The following ZNF415 variants were observed in gnomAD, a reference collection of about 807,000 sequenced individuals.
ZNF415 encodes the protein zinc finger protein 415.
ZNF415 carries 5 observed loss-of-function variants against 7.3 expected under a neutral mutation model. The ratio of observed to expected loss-of-function variants is 0.69; its 90% CI spans 0.36 to 1.44. The LOEUF is 1.44. ZNF415 is among the 40% of genes most tolerant of loss of function. The pLI, the probability that ZNF415 is intolerant of heterozygous loss-of-function variation, is 0.04. For missense variants in ZNF415, 628 were observed against 664.8 expected (o/e 0.94, Z 0.61); for synonymous variants, 207 against 226.3 (o/e 0.91, Z 0.77).
rs1200382501 is a variant in ZNF415 at position 53,108,886 on chromosome 19, T to A, written c.1159A>T (p.Asn387Tyr). Residue 387 changes from asparagine (N) to tyrosine (Y), a missense_variant, in exon 4 of 4, where the codon AAT becomes TAT. Physicochemically the swap from Asn to Tyr is moderately radical, Grantham distance 143 (BLOSUM62 -2). Transcript: ENST00000243643. ...IHTGEKPYKC[N>Y]ECGKVFSQTS... ...TGACTGAAGACTTTACCACATTCAT[T>A]ACACTTGTATGGTTTCTCCCCAGTG... 6.2e-7 allele frequency: 1 copy of A among 1,614,128 alleles called. No individual in the cohort carries two copies. Among genetic ancestry groups the A allele is most frequent in the Admixed American group, 1.7e-5 (1 of 60,028 alleles).
chr19:53,109,620 C>T lies in ZNF415; in HGVS notation c.425G>A (p.Ser142Asn), dbSNP rs2085931718. The T allele has an allele frequency of 6.2e-7, 1 of 1,614,124 alleles. No individual in the cohort carries two copies. Among genetic ancestry groups the T allele is most frequent in the Non-Finnish European group, 8.5e-7 (1 of 1,180,012 alleles). ...CAGTTCATGGGGATGTGGTAGAAAG[C>T]TTAATCCAAGCTGATGTTTAATAGA... Reference protein sequence around the residue: ...NKSIKHQLGLSFLPHPHELQQ... With the variant: ...NKSIKHQLGLNFLPHPHELQQ... The change falls in exon 4 of 4, where the codon AGC (serine) becomes AAC (asparagine). Residue 142 changes from serine (S) to asparagine (N), a missense_variant. Physicochemically the swap from Ser to Asn is conservative, Grantham distance 46. Transcript: ENST00000243643.
rs79837403 is a variant in ZNF415 at position 53,108,466 on chromosome 19, T to C, written c.1579A>G (p.Ser527Gly). The C allele has an allele frequency of 5.6e-4, 904 of 1,614,210 alleles. 4 individuals are homozygous for C. The African/African-American group carries it at 0.01, about 18-fold the overall frequency. ...ACACTAAAGGACTTCCCACAATCAC[T>C]ACATTTGTAAGGTTTCTTTCCAGTA... ...IHTGKKPYKC[S>G]DCGKSFSVRP... The change falls in exon 4 of 4, where the codon AGT becomes GGT. Residue 527 changes from serine (S) to glycine (G), a missense_variant. Transcript: ENST00000243643.
Position 53,116,396 on chromosome 19 carries a change from T to C in ZNF415, c.53A>G (p.Asp18Gly). The C allele has an allele frequency of 1.2e-6, 2 of 1,614,046 alleles. No homozygotes were observed. Among genetic ancestry groups the C allele is most frequent in the Non-Finnish European group, 8.5e-7 (1 of 1,179,994 alleles). The change falls in exon 3 of 4, where the codon GAT becomes GGT. Residue 18 changes from aspartate (D) to glycine (G), a missense_variant. Asp to Gly is a moderately conservative substitution (Grantham distance 94). Transcript: ENST00000243643. ...TGTAGAGTTCAGGCATTTCCACTCA[T>C]CTTGAGAGAATTCGATGGCCACGTC... is the stretch of plus-strand genomic sequence containing the variant. ...FRDVAIEFSQDEWKCLNSTQR... is the reference protein window; with the variant it reads ...FRDVAIEFSQGEWKCLNSTQR...
In ZNF415 at chr19:53,108,395, T is replaced by C. The variant is rs1326813724; in HGVS notation, c.1650A>G (p.Lys550=). Residue 550 remains lysine (K), a synonymous_variant, in exon 4 of 4, where the codon AAA becomes AAG. Coordinates refer to ENST00000243643, the MANE Select transcript of ZNF415 (RefSeq NM_018355.4). ...FRHQIIHTKE[K]PYKRN is the part of the protein sequence containing the mutation. ...TGCCATATTAATTTCTTTTATAAGGTTTCTCCTTAGTATGGATAATTTGAT... is the reference window on the plus strand; with the variant it reads ...TGCCATATTAATTTCTTTTATAAGGCTTCTCCTTAGTATGGATAATTTGAT... 2 of 1,607,678 alleles carry C rather than the reference T, an allele frequency of 1.2e-6. No individual in the cohort carries two copies. The highest frequency in any genetic ancestry group is 1.7e-6 in the Non-Finnish European group (2 of 1,177,264).
intron 1 of ZNF415, among the ~76,000 whole-genome samples, chr19:53,124,588 T>A (rs1279511350): frequency 1.3e-5 from 2 of 152,060 alleles, no homozygotes; most frequent in Non-Finnish European, 2.9e-5. Flanking sequence ...ACAAATCATA[T>A]CCTAACAATT....
chr19:53,112,402 T>C (rs2086368840), intron 3 of ZNF415, among the ~76,000 whole-genome samples: 1 of 152,132 alleles, frequency 6.6e-6, no homozygotes, highest in Non-Finnish European at 1.5e-5. Flanking sequence ...TTGATAATAG[T>C]GTTATTCAGT....
At chr19:53,111,445 C>T (rs112135635) in intron 3 of ZNF415, among the ~76,000 whole-genome samples, 3,432 of 147,098 alleles carry the variant, frequency 0.023, 38 homozygotes, top group Middle Eastern at 0.055. Flanking sequence ...TGGGTTCAAG[C>T]GATTCTCCTG....
At chr19:53,130,062 C>T (rs1281375306) in intron 1 of ZNF415, among the ~76,000 whole-genome samples, 1 of 89,288 alleles carries the variant, frequency 1.1e-5, no homozygotes, top group Non-Finnish European at 2.2e-5. Flanking sequence ...AAGACTCCAG[C>T]TCACAAAAAA....
rs766686810 is a variant in ZNF415 at position 53,109,762 on chromosome 19, C to T, written c.283G>A (p.Asp95Asn). 18 of 1,613,800 alleles carry T rather than the reference C, an allele frequency of 1.1e-5. No individual in the cohort carries two copies. The highest frequency in any genetic ancestry group is 5.3e-5 in the African/African-American group (4 of 74,868). The change falls in exon 4 of 4, where the codon GAC (aspartate) becomes AAC (asparagine). Residue 95 changes from aspartate to asparagine, a missense_variant. Coordinates refer to ENST00000243643, the MANE Select transcript of ZNF415 (RefSeq NM_018355.4). The stretch of plus-strand genomic sequence containing the variant: ...TCATCTCTCCACTGACAGTCAAAGT[C>T]GTGTATTTTTTTCTTGATTTCCCTG... ...CFREIKKKIH[D>N]FDCQWRDDER...
chr19:53,123,073 A>C (rs894805794), intron 1 of ZNF415, among the ~76,000 whole-genome samples: 8 of 152,064 alleles, frequency 5.3e-5, no homozygotes, highest in African/African-American at 1.9e-4. Context: ...AGCCCTCAGA[A>C]ATAGAGGACA....
intron 3 of ZNF415, 151 bp from the exon 4 acceptor site, chr19:53,110,059 A>G: frequency 1.7e-6 from 1 of 597,466 alleles, no homozygotes; most frequent in South Asian, 2.9e-5. Flanking sequence ...TACGAACACA[A>G]AGGAATCACA....
intron 3 of ZNF415, among the ~76,000 whole-genome samples, chr19:53,110,790 T>C (rs1392565999): frequency 6.6e-6 from 1 of 152,184 alleles, no homozygotes; most frequent in East Asian, 1.9e-4. Context: ...GGTAAACACA[T>C]AGCATTATAA....
At position 53,123,337 on chromosome 19, in the gene ZNF415, C is replaced by G. The variant is rs552415446; in HGVS notation, c.-67-594G>C. 6.5e-4 allele frequency among the ~76,000 whole-genome samples: 99 copies of G among 152,190 alleles called. 1 individual carries two copies. Among genetic ancestry groups the G allele is most frequent in the African/African-American group, 2.3e-3 (95 of 41,518 alleles). On this transcript the variant is annotated intron_variant, in intron 1 of 3. Transcript: ENST00000243643. ...GACCTTGGTGTCATCAGGATCCAGA[C>G]AGTGGAAGCAGAAAGAATCAAGAGA...
chr19:53,125,246 G>C (rs1206933967), intron 1 of ZNF415, among the ~76,000 whole-genome samples: 1 of 151,930 alleles, frequency 6.6e-6, no homozygotes, highest in Non-Finnish European at 1.5e-5. Context: ...GTTTCACCAT[G>C]TTGGCCAGGA....
chr19:53,129,212 G>C (rs917644098), intron 1 of ZNF415, among the ~76,000 whole-genome samples: 3 of 152,156 alleles, frequency 2.0e-5, no homozygotes, highest in Non-Finnish European at 2.9e-5. Context: ...GGTGCAGAGG[G>C]AGTCATGAGA....
At chr19:53,117,879 GA>G (rs2087315366) in intron 2 of ZNF415, among the ~76,000 whole-genome samples, 1 of 152,054 alleles carries the variant, frequency 6.6e-6, no homozygotes, top group Non-Finnish European at 1.5e-5. Context: ...AAACCACAAT[GA>G]AAAACAATTA....
At position 53,109,528 on chromosome 19, in the gene ZNF415, A is replaced by T. The variant is rs764394197; in HGVS notation, c.517T>A (p.Ser173Thr). 6.2e-7 allele frequency: 1 copy of T among 1,614,000 alleles called. No individual in the cohort carries two copies. Among genetic ancestry groups the T allele is most frequent in the South Asian group, 1.1e-5 (1 of 91,044 alleles). ...NHVEKSVNHG[S>T]SVSPPQIISS... ...ATTATTTGGGGTGGTGAAACTGAGG[A>T]ACCATGGTTGACAGACTTCTCAACA... Residue 173 changes from serine to threonine, a missense_variant, in exon 4 of 4, where the codon TCC becomes ACC. Transcript: ENST00000243643.
chr19:53,130,127 G>A (rs993278683), intron 1 of ZNF415, among the ~76,000 whole-genome samples: 1 of 150,910 alleles, frequency 6.6e-6, no homozygotes, highest in Non-Finnish European at 1.5e-5. Flanking sequence ...ACATATCTGA[G>A]CAAAAGAAAC....
chr19:53,109,774 T>C lies in ZNF415; in HGVS notation c.271A>G (p.Lys91Glu). 1 of 1,614,146 alleles carries C rather than the reference T, an allele frequency of 6.2e-7. No individual in the cohort carries two copies. Among genetic ancestry groups the C allele is most frequent in the Non-Finnish European group, 8.5e-7 (1 of 1,180,020 alleles). ...IEEFCFREIK[K>E]KIHDFDCQWR... is the part of the protein sequence containing the mutation. ...TGACAGTCAAAGTCGTGTATTTTTT[T>C]CTTGATTTCCCTGAAGCAAAACTCT... is the stretch of plus-strand genomic sequence containing the variant. The change falls in exon 4 of 4, where the codon AAA (lysine) becomes GAA (glutamate). Residue 91 changes from lysine (K) to glutamate (E), a missense_variant. By Grantham distance (56) the Lys-to-Glu change is moderately conservative. Transcript: ENST00000243643.
Sources: allele counts gnomAD v4.1 joint callset (sites outside exome capture counted in the v4.1 genomes callset), GRCh38; gene constraint gnomAD v4.1.1; transcripts MANE v1.5; gene names NCBI Gene and HGNC (gene_info 2026-07-23, HGNC 2026-07-21).